Variants in AGBL4 observed in about 807,000 individuals in gnomAD.
AGBL4 encodes the protein cytosolic carboxypeptidase 6.
A neutral mutation model predicts 66.4 loss-of-function variants in AGBL4; 58 were observed. That is an observed-to-expected ratio of 0.87 (90% CI 0.71 to 1.09). AGBL4 has a LOEUF of 1.09. AGBL4 is among the 50% of genes least tolerant of loss of function. AGBL4 has a pLI of 0.00. For missense variants in AGBL4, 579 were observed against 631.0 expected, an observed-to-expected ratio of 0.92 and a Z score of 0.88; for synonymous variants, 234 against 222.9, an observed-to-expected ratio of 1.05 and a Z score of -0.44.
intron 3 of AGBL4, among the ~76,000 whole-genome samples, chr1:49,691,704 T>A (rs1168388193): frequency 1.3e-5 from 2 of 152,112 alleles, no homozygotes. Context: ...AACATTTGAG[T>A]CAGTTGGGCT....
At chr1:48,963,578 T>C (rs1200463336) in intron 5 of AGBL4, among the ~76,000 whole-genome samples, 1 of 151,986 alleles carries the variant, frequency 6.6e-6, no homozygotes, top group African/African-American at 2.4e-5. Flanking sequence ...GTATTCTGTA[T>C]GATGTTCCTG....
In AGBL4 at chr1:48,911,544, C is replaced by T. The variant is rs560918529; in HGVS notation, c.595-44314G>A. Among the ~76,000 whole-genome samples, 14 of 149,854 alleles carry T rather than the reference C, an allele frequency of 9.3e-5. No individual in the cohort carries two copies. In the South Asian group the frequency reaches 2.3e-3, roughly 25 times the overall value. ...CTGAGGCAGGAGAATGGCGTGAACC[C>T]GGGAGGCAGAGATTGCAGTGAGCTG... is the stretch of plus-strand genomic sequence containing the variant. On this transcript the variant is annotated intron_variant, in intron 5 of 13. Coordinates refer to ENST00000371839, the MANE Select transcript of AGBL4 (RefSeq NM_032785.4).
intron 6 of AGBL4, chr1:48,742,767 G>A (rs148772068): frequency 1.6e-5 from 26 of 1,596,390 alleles, no homozygotes; most frequent in African/African-American, 5.4e-5. Context: ...GATCAATGGC[G>A]GGACCTAGGC....
At chr1:48,977,977 G>C (rs1659475186) in intron 5 of AGBL4, among the ~76,000 whole-genome samples, 2 of 152,096 alleles carry the variant, frequency 1.3e-5, no homozygotes, top group Admixed American at 1.3e-4. Flanking sequence ...TATTATTAAG[G>C]GTGACTGTGA....
rs536113783 is a variant in AGBL4, at chr1:48,687,892, G to A, written c.635-24651C>T. Among the ~76,000 whole-genome samples the A allele has an allele frequency of 5.9e-5, 9 of 152,306 alleles. No individual in the cohort carries two copies. The South Asian group carries it at 1.2e-3, about 21-fold the overall frequency. ...CTCAAGCATCAGCTTGCAGAGAGCC[G>A]TCCCTGGCCACCCTTGACAGAACAG... On this transcript the variant is annotated intron_variant, in intron 6 of 13. Coordinates refer to ENST00000371839, the MANE Select transcript of AGBL4 (RefSeq NM_032785.4).
intron 5 of AGBL4, among the ~76,000 whole-genome samples, chr1:48,999,596 G>A (rs1009056408): frequency 2.6e-5 from 4 of 152,114 alleles, no homozygotes; most frequent in Non-Finnish European, 4.4e-5. Flanking sequence ...TGTGCAGCAC[G>A]AGAAAAGTAT....
chr1:48,670,345 C>A (rs1003819305), intron 6 of AGBL4, among the ~76,000 whole-genome samples: 2 of 152,186 alleles, frequency 1.3e-5, no homozygotes, highest in Non-Finnish European at 2.9e-5. Context: ...GTGACTTGCC[C>A]CTGGCCACAC....
At chr1:49,909,557 G>A (rs940877017) in intron 1 of AGBL4, among the ~76,000 whole-genome samples, 2 of 152,180 alleles carry the variant, frequency 1.3e-5, no homozygotes, top group Non-Finnish European at 2.9e-5. Flanking sequence ...TCTGAACAGA[G>A]TTAGCAATGA....
chr1:48,640,898 G>T (rs955395626), intron 8 of AGBL4, among the ~76,000 whole-genome samples: 1 of 152,134 alleles, frequency 6.6e-6, no homozygotes, highest in Admixed American at 6.5e-5. Context: ...TCGCAATAAT[G>T]GCAGCTAGAA....
At chr1:49,052,619 AT>A (rs772682216) in intron 4 of AGBL4, among the ~76,000 whole-genome samples, 4 of 152,150 alleles carry the variant, frequency 2.6e-5, no homozygotes, top group Non-Finnish European at 5.9e-5. Flanking sequence ...CTTTGGGATT[AT>A]TAGGTGGTAG....
At chr1:48,561,720 G>C (rs1268316498) in intron 11 of AGBL4, among the ~76,000 whole-genome samples, 1 of 152,182 alleles carries the variant, frequency 6.6e-6, no homozygotes, top group East Asian at 1.9e-4. Context: ...TGGGACATGG[G>C]TGTTTTTTGG....
intron 3 of AGBL4, among the ~76,000 whole-genome samples, chr1:49,518,373 C>T (rs890688119): frequency 6.6e-6 from 1 of 152,022 alleles, no homozygotes; most frequent in African/African-American, 2.4e-5. Flanking sequence ...TTCACTCAAC[C>T]AATATTTATT....
chr1:49,718,926 C>G (rs964437713), intron 2 of AGBL4, among the ~76,000 whole-genome samples: 3 of 152,136 alleles, frequency 2.0e-5, no homozygotes, highest in African/African-American at 4.8e-5. Context: ...TCTCCAGATG[C>G]CTTACACAGA....
chr1:49,460,554 A>G (rs892566017), intron 3 of AGBL4, among the ~76,000 whole-genome samples: 2 of 151,612 alleles, frequency 1.3e-5, no homozygotes, highest in Admixed American at 1.3e-4. Context: ...GCCATTTTGT[A>G]TTGGCATTTT....
chr1:49,299,110 A>G (rs1270515916), intron 3 of AGBL4, among the ~76,000 whole-genome samples: 4 of 152,318 alleles, frequency 2.6e-5, no homozygotes, highest in Non-Finnish European at 5.9e-5. Context: ...AAAAAATCCA[A>G]AAGTAGGCTG....
chr1:49,928,189 A>T (rs2148256779), intron 1 of AGBL4, among the ~76,000 whole-genome samples: 1 of 152,342 alleles, frequency 6.6e-6, no homozygotes, highest in Non-Finnish European at 1.5e-5. Context: ...CATAAGTATC[A>T]TTGAGCTGTG....
intron 5 of AGBL4, among the ~76,000 whole-genome samples, chr1:48,875,906 C>T (rs1020149898): frequency 3.9e-5 from 6 of 152,100 alleles, no homozygotes; most frequent in African/African-American, 1.4e-4. Flanking sequence ...GCCTCTGAAG[C>T]CTACGCTCCA....
intron 3 of AGBL4, among the ~76,000 whole-genome samples, chr1:49,331,288 C>T (rs560155144): frequency 2.0e-5 from 3 of 152,224 alleles, no homozygotes; most frequent in Non-Finnish European, 4.4e-5. Context: ...TCGAGCAGCA[C>T]CCTTCTGCGG....
At chr1:49,405,304 T>G (rs947961576) in intron 3 of AGBL4, among the ~76,000 whole-genome samples, 2 of 152,186 alleles carry the variant, frequency 1.3e-5, no homozygotes, top group African/African-American at 4.8e-5. Flanking sequence ...TCTAGTTCTG[T>G]CTAAGGCCAA....
Sources: gnomAD v4.1 joint callset for allele counts (sites outside exome capture counted in the v4.1 genomes callset) on GRCh38, gnomAD v4.1.1 for gene constraint, MANE v1.5 for transcripts, NCBI Gene and HGNC (gene_info 2026-07-23, HGNC 2026-07-21) for gene names.